The following TMEM131L variants were observed in gnomAD, a reference collection of about 807,000 sequenced individuals.
TMEM131L encodes the protein transmembrane 131 like, also known as transmembrane protein 131-like.
Under a neutral mutation model 192.2 loss-of-function variants are expected in TMEM131L, and 54 were observed. That is an observed-to-expected ratio of 0.28 (90% CI 0.23 to 0.35). TMEM131L has a LOEUF of 0.35. TMEM131L is among the 10% of genes least tolerant of loss of function. The probability of loss-of-function intolerance (pLI) is 1.00; values close to 1 mark genes in which losing one functional copy is unlikely to be tolerated. For synonymous variants in TMEM131L, 701 were observed against 704.9 expected (o/e 0.99, Z 0.09); for missense variants, 1,888 against 1,972.9 (o/e 0.96, Z 0.82).
chr4:153,474,497 G>A (rs1263619011), intron 3 of TMEM131L, among the ~76,000 whole-genome samples: 1 of 152,208 alleles, frequency 6.6e-6, no homozygotes, highest in Non-Finnish European at 1.5e-5. Context: ...AGTGTGGTTT[G>A]TAGGATGGTG....
In TMEM131L at chr4:153,518,700, A is replaced by C. The variant is rs144839571; in HGVS notation, c.240-31373A>C. Among the ~76,000 whole-genome samples, 15 of 152,334 alleles carry C rather than the reference A, an allele frequency of 9.8e-5. No individual in the cohort carries two copies. In the East Asian group the frequency reaches 2.7e-3, roughly 27 times the overall value. On this transcript the variant is annotated intron_variant, in intron 3 of 34. Transcript: ENST00000409959. ...ATGTGTGACAGTTTCAGAAATAATG[A>C]TAGGCTCTCGTATATGTTGGTACGA...
intron 7 of TMEM131L, among the ~76,000 whole-genome samples, chr4:153,562,680 C>T (rs1390720988): frequency 6.6e-6 from 1 of 152,178 alleles, no homozygotes; most frequent in Non-Finnish European, 1.5e-5. Flanking sequence ...GGCATAATTG[C>T]CTCTTCTCCA....
At chr4:153,504,467 A>G (rs938988586) in intron 3 of TMEM131L, among the ~76,000 whole-genome samples, 2 of 148,086 alleles carry the variant, frequency 1.4e-5, no homozygotes, top group African/African-American at 2.5e-5. Flanking sequence ...TTTAGTAGAG[A>G]CGGGGTTTCA....
At chr4:153,635,945 A>G (rs1476504581) in intron 34 of TMEM131L, among the ~76,000 whole-genome samples, 1 of 152,146 alleles carries the variant, frequency 6.6e-6, no homozygotes, top group Non-Finnish European at 1.5e-5. Flanking sequence ...CAGGAAGGTC[A>G]GTGGGTGGTC....
chr4:153,570,175 G>C (rs181222400), intron 7 of TMEM131L, among the ~76,000 whole-genome samples: 2 of 152,274 alleles, frequency 1.3e-5, no homozygotes, highest in East Asian at 3.9e-4. Context: ...AGCCTCACTT[G>C]AATCTGCAAT....
chr4:153,604,726 A>G (rs1471455411), intron 25 of TMEM131L, among the ~76,000 whole-genome samples: 2 of 152,074 alleles, frequency 1.3e-5, no homozygotes, highest in Non-Finnish European at 2.9e-5. Context: ...TTTATTTGAG[A>G]TGGAGTCTTG....
At position 153,584,828 on chromosome 4, in the gene TMEM131L, C is replaced by CTT; in HGVS notation, c.1061-7_1061-6insTT. 6.2e-7 allele frequency: 1 copy of CTT among 1,607,662 alleles called. No homozygotes were observed. Among genetic ancestry groups the CTT allele is most frequent in the Non-Finnish European group, 8.5e-7 (1 of 1,174,508 alleles). On this transcript the variant is annotated splice_region_variant and splice_polypyrimidine_tract_variant and intron_variant, in intron 11 of 34. Coordinates refer to ENST00000409959, the MANE Select transcript of TMEM131L (RefSeq NM_001131007.2). ...AAGCTTCACATTTATTTCTTTATACCACAAAGCAGCTACATCATGTGACAG... is the reference window on the plus strand; with the variant it reads ...AAGCTTCACATTTATTTCTTTATACCTTACAAAGCAGCTACATCATGTGACAG...
intron 16 of TMEM131L, among the ~76,000 whole-genome samples, chr4:153,589,528 A>C (rs1337815161): frequency 1.3e-5 from 2 of 152,124 alleles, no homozygotes; most frequent in Non-Finnish European, 2.9e-5. Flanking sequence ...AACTTTCATC[A>C]TGCTACTCAG....
At chr4:153,472,481 T>C (rs533733952) in intron 2 of TMEM131L, among the ~76,000 whole-genome samples, 2 of 152,300 alleles carry the variant, frequency 1.3e-5, no homozygotes, top group African/African-American at 4.8e-5. Context: ...AGATGTTTTA[T>C]TGAGCACATA....
At chr4:153,508,341 T>C (rs866080840) in intron 3 of TMEM131L, among the ~76,000 whole-genome samples, 2 of 152,208 alleles carry the variant, frequency 1.3e-5, no homozygotes, top group African/African-American at 2.4e-5. Context: ...ACCAAAAATA[T>C]TGTGGTGTCC....
At position 153,626,163 on chromosome 4, in the gene TMEM131L, A is replaced by G. The variant is rs140327881; in HGVS notation, c.4062A>G (p.Gln1354=). The G allele has an allele frequency of 2.2e-5, 36 of 1,610,966 alleles. No homozygotes were observed. The African/African-American group carries it at 4.5e-4, about 20-fold the overall frequency. ...HFLPAGDSVS[Q]NDFPSEAPIS... ...TTAATGCAGGAGACAGTGTTTCACA[A>G]AATGATTTTCCTTCTGAAGCTCCCA... The change falls in exon 30 of 35, where the codon CAA becomes CAG. Residue 1354 remains glutamine (Q), a synonymous_variant. Coordinates refer to ENST00000409959, the MANE Select transcript of TMEM131L (RefSeq NM_001131007.2).
chr4:153,541,787 C>T (rs951662003), intron 3 of TMEM131L, among the ~76,000 whole-genome samples: 9 of 152,222 alleles, frequency 5.9e-5, no homozygotes, highest in Non-Finnish European at 1.2e-4. Context: ...GAGGGATTAG[C>T]AGCTAGAGCC....
intron 3 of TMEM131L, among the ~76,000 whole-genome samples, chr4:153,480,105 T>C (rs537155591): frequency 1.3e-5 from 2 of 152,260 alleles, no homozygotes; most frequent in South Asian, 2.1e-4. Flanking sequence ...TTTGGGAGGC[T>C]GAGGCGGGCA....
In TMEM131L at chr4:153,519,061, G is replaced by A. The variant is rs189214377; in HGVS notation, c.240-31012G>A. On this transcript the variant is annotated intron_variant, in intron 3 of 34. Transcript: ENST00000409959. ...AATACTTTTTCTCCCCACCTTCCTG[G>A]GGGGAAAATTCCACATGTAAAGGAT... 4.0e-4 allele frequency among the ~76,000 whole-genome samples: 61 copies of A among 152,168 alleles called. 1 individual carries two copies. The highest frequency in any genetic ancestry group is 5.9e-4 in the Admixed American group (9 of 15,282).
At position 153,621,699 on chromosome 4, in the gene TMEM131L, G is replaced by A; in HGVS notation, c.3709G>A (p.Asp1237Asn). 4 of 1,614,124 alleles carry A rather than the reference G, an allele frequency of 2.5e-6. No homozygotes were observed. Among genetic ancestry groups the A allele is most frequent in the Non-Finnish European group, 3.4e-6 (4 of 1,180,016 alleles). Residue 1237 changes from aspartate (D) to asparagine (N), a missense_variant, in exon 28 of 35, where the codon GAT becomes AAT. Asp to Asn is a conservative substitution (Grantham distance 23). Coordinates refer to ENST00000409959, the MANE Select transcript of TMEM131L (RefSeq NM_001131007.2). Reference protein sequence around the residue: ...APVSRPPEQSDLKLVCSDFER... With the variant: ...APVSRPPEQSNLKLVCSDFER... ...CTTTTCCAGGCCTCCTGAACAGAGT[G>A]ATCTAAAGCTTGTGTGCAGTGACTT...
intron 3 of TMEM131L, among the ~76,000 whole-genome samples, chr4:153,542,426 G>T (rs1289618695): frequency 6.6e-6 from 1 of 152,142 alleles, no homozygotes; most frequent in Non-Finnish European, 1.5e-5. Context: ...GGGCCAGAGA[G>T]CAGTCAGGTG....
chr4:153,622,964 G>A lies in TMEM131L; in HGVS notation c.3926G>A (p.Cys1309Tyr), dbSNP rs901039076. The change falls in exon 29 of 35, where the codon TGT becomes TAT. Residue 1309 changes from cysteine (C) to tyrosine (Y), a missense_variant. Physicochemically the swap from Cys to Tyr is radical, Grantham distance 194. Transcript: ENST00000409959. ...TTCTGCTCCGATTCCAGCTCTGACT[G>A]TGGGAGCTCCTCTGGCAGCGTGCGT... The part of the protein sequence containing the change: ...DKFCSDSSSD[C>Y]GSSSGSVRAS... The A allele has an allele frequency of 4.3e-5, 70 of 1,614,132 alleles. No individual in the cohort carries two copies. Among genetic ancestry groups the A allele is most frequent in the Non-Finnish European group, 5.1e-5 (60 of 1,180,052 alleles).
intron 7 of TMEM131L, among the ~76,000 whole-genome samples, chr4:153,576,688 A>C (rs1729966029): frequency 6.6e-6 from 1 of 152,106 alleles, no homozygotes. Flanking sequence ...AAAAAAAAAA[A>C]AAACTTATAA....
At chr4:153,582,479 G>GTGT (rs1234171754) in intron 9 of TMEM131L, among the ~76,000 whole-genome samples, 4 of 111,612 alleles carry the variant, frequency 3.6e-5, no homozygotes, top group Admixed American at 2.9e-4. Context: ...GGTTCTCCCT[G>GTGT]TGTTGCTCAG....
Sources: gnomAD v4.1 joint callset for allele counts (sites outside exome capture counted in the v4.1 genomes callset) on GRCh38, gnomAD v4.1.1 for gene constraint, MANE v1.5 for transcripts, NCBI Gene and HGNC (gene_info 2026-07-23, HGNC 2026-07-21) for gene names.